Variants in OCA2 observed in about 807,000 individuals in gnomAD.
OCA2 encodes the protein P protein.
OCA2 carries 77 observed loss-of-function variants against 100.2 expected under a neutral mutation model. The observed-to-expected ratio is 0.77, with a 90% confidence interval of 0.64 to 0.93. OCA2 has a LOEUF of 0.93. Ranked by LOEUF, OCA2 falls within the 40% of genes least tolerant of loss-of-function variation. OCA2 has a pLI of 0.00. For missense variants in OCA2, 1,062 were observed against 1,089.1 expected, an observed-to-expected ratio of 0.98 and a Z score of 0.35; for synonymous variants, 432 against 439.2, an observed-to-expected ratio of 0.98 and a Z score of 0.21.
intron 18 of OCA2, among the ~76,000 whole-genome samples, chr15:27,949,119 T>C (rs2039945240): frequency 6.6e-6 from 1 of 152,200 alleles, no homozygotes; most frequent in South Asian, 2.1e-4. Context: ...GTCAATGCTA[T>C]GTCTAGGTTA....
intron 11 of OCA2, among the ~76,000 whole-genome samples, chr15:27,987,632 G>A (rs1287994118): frequency 6.6e-6 from 1 of 151,962 alleles, no homozygotes; most frequent in Non-Finnish European, 1.5e-5. Context: ...AGGAGGCTGA[G>A]GCAGGAGAAT....
At chr15:27,820,905 T>C (rs973088142) in intron 23 of OCA2, among the ~76,000 whole-genome samples, 5 of 152,140 alleles carry the variant, frequency 3.3e-5, no homozygotes, top group African/African-American at 1.2e-4. Context: ...GCTATAATAT[T>C]TGTCATCAAG....
intron 21 of OCA2, among the ~76,000 whole-genome samples, chr15:27,856,948 T>C (rs1359675418): frequency 6.6e-6 from 1 of 152,178 alleles, no homozygotes; most frequent in Non-Finnish European, 1.5e-5. Flanking sequence ...ATACTCAAAA[T>C]GTTCAGCTCT....
At chr15:27,871,462 C>A (rs891908048) in intron 20 of OCA2, among the ~76,000 whole-genome samples, 10 of 152,218 alleles carry the variant, frequency 6.6e-5, no homozygotes, top group Non-Finnish European at 1.3e-4. Context: ...CCCAGCCATG[C>A]CCAGACCTGC....
chr15:27,974,283 C>T (rs550116378), intron 14 of OCA2, among the ~76,000 whole-genome samples: 35 of 152,152 alleles, frequency 2.3e-4, no homozygotes, highest in Non-Finnish European at 3.2e-4. Flanking sequence ...ATTTGAGTTC[C>T]TTGATGAACA....
In OCA2 at chr15:27,806,620, C is replaced by T. The variant is rs561733698; in HGVS notation, c.2432+38339G>A. Among the ~76,000 whole-genome samples, 3 of 152,376 alleles carry T rather than the reference C, an allele frequency of 2.0e-5. No individual in the cohort carries two copies. In the East Asian group the frequency reaches 5.8e-4, roughly 29 times the overall value. On this transcript the variant is annotated intron_variant, in intron 23 of 23. Coordinates refer to ENST00000354638, the MANE Select transcript of OCA2 (RefSeq NM_000275.3). Reference sequence around the variant, plus strand: ...CTTCCCGCCGTCCGCTGTGCGCTCTCCTGCGCCTCGGCCTGTCCCTCCCGG... The same window carrying T: ...CTTCCCGCCGTCCGCTGTGCGCTCTTCTGCGCCTCGGCCTGTCCCTCCCGG...
chr15:27,986,789 G>A (rs529553830), intron 11 of OCA2, 146 bp from the exon 12 acceptor site: 38 of 723,884 alleles, frequency 5.2e-5, no homozygotes, highest in East Asian at 7.4e-5. Context: ...CAGAAAGACC[G>A]TCACTTCCTG....
At chr15:27,915,650 G>C (rs1579937) in intron 19 of OCA2, among the ~76,000 whole-genome samples, 8,205 of 152,162 alleles carry the variant, frequency 0.054, 748 homozygotes, top group African/African-American at 0.19. Context: ...ACCGAAATGA[G>C]ATGGCATCTC....
chr15:28,088,494 A>G (rs1301730335), intron 1 of OCA2, among the ~76,000 whole-genome samples: 1 of 152,228 alleles, frequency 6.6e-6, no homozygotes, highest in East Asian at 1.9e-4. Flanking sequence ...CATTATGGAT[A>G]AATTATCGGG....
the OCA2 span, among the ~76,000 whole-genome samples, chr15:27,727,273 C>T: frequency 2.6e-5 from 4 of 152,300 alleles, no homozygotes; most frequent in African/African-American, 9.6e-5. Flanking sequence ...GCCTGTACAT[C>T]AACTGAGAGT....
At chr15:27,777,321 T>C (rs2032294865) in intron 23 of OCA2, among the ~76,000 whole-genome samples, 1 of 152,048 alleles carries the variant, frequency 6.6e-6, no homozygotes, top group Admixed American at 6.5e-5. Context: ...AGAGCAATAG[T>C]GGCAAGGGAC....
chr15:27,964,602 G>A (rs1447449978), intron 15 of OCA2, among the ~76,000 whole-genome samples: 1 of 152,150 alleles, frequency 6.6e-6, no homozygotes, highest in East Asian at 1.9e-4. Context: ...GGGGCGGGGG[G>A]TACAAAGCCA....
At chr15:27,947,796 C>T (rs149506418) in intron 18 of OCA2, among the ~76,000 whole-genome samples, 22 of 152,098 alleles carry the variant, frequency 1.4e-4, no homozygotes, top group African/African-American at 5.1e-4. Flanking sequence ...CCCAGTGGCC[C>T]GTCACGAAGG....
At chr15:27,849,309 T>C (rs2035659683) in intron 22 of OCA2, among the ~76,000 whole-genome samples, 1 of 152,242 alleles carries the variant, frequency 6.6e-6, no homozygotes, top group Admixed American at 6.5e-5. Context: ...CCACAGCCTC[T>C]AGATAACTGC....
intron 18 of OCA2, among the ~76,000 whole-genome samples, chr15:27,946,187 A>T (rs989612415): frequency 2.0e-5 from 3 of 152,324 alleles, no homozygotes; most frequent in Middle Eastern, 3.4e-3. Context: ...ACATAAAAAA[A>T]TCTGAATTTT....
At chr15:27,865,633 C>T (rs1335055336) in intron 21 of OCA2, among the ~76,000 whole-genome samples, 1 of 152,206 alleles carries the variant, frequency 6.6e-6, no homozygotes, top group African/African-American at 2.4e-5. Flanking sequence ...GGACCAGTTA[C>T]TCTAAGGGTG....
chr15:27,877,633 T>A (rs2036845934), intron 19 of OCA2, among the ~76,000 whole-genome samples: 1 of 152,050 alleles, frequency 6.6e-6, no homozygotes, highest in African/African-American at 2.4e-5. Context: ...TTATGCTTAT[T>A]ACCTGCATGC....
chr15:27,948,624 C>G (rs796238059), intron 18 of OCA2, among the ~76,000 whole-genome samples: 50 of 152,184 alleles, frequency 3.3e-4, no homozygotes, highest in African/African-American at 1.2e-3. Flanking sequence ...CACCACCACA[C>G]CCAGCTAATT....
the OCA2 span, among the ~76,000 whole-genome samples, chr15:27,736,238 C>T: frequency 6.6e-6 from 1 of 152,142 alleles, no homozygotes; most frequent in Non-Finnish European, 1.5e-5. Context: ...GAATTTACTC[C>T]TGCTTCTTGC....
Sources: allele counts gnomAD v4.1 joint callset (sites outside exome capture counted in the v4.1 genomes callset), GRCh38; gene constraint gnomAD v4.1.1; transcripts MANE v1.5; gene names NCBI Gene and HGNC (gene_info 2026-07-23, HGNC 2026-07-21).